HSP90B1: variants seen among roughly 807,000 people sequenced by gnomAD.
The protein encoded by HSP90B1 is heat shock protein 90 beta family member 1, also known as endoplasmin.
HSP90B1 carries 27 observed loss-of-function variants against 100.4 expected under a neutral mutation model. That is an observed-to-expected ratio of 0.27 (90% CI 0.20 to 0.37). The LOEUF (loss-of-function observed/expected upper bound fraction) is 0.37, where lower values mean the gene tolerates loss of function less well. Among genes scored for constraint, HSP90B1 ranks in the 10% least tolerant of loss-of-function variants. The pLI is 1.00. For missense variants in HSP90B1, 678 were observed against 960.5 expected, an observed-to-expected ratio of 0.71 and a Z score of 3.89; for synonymous variants, 304 against 330.8, an observed-to-expected ratio of 0.92 and a Z score of 0.88.
In HSP90B1 at chr12:103,947,708, A is replaced by G; in HGVS notation, c.*46A>G. 6.8e-7 allele frequency: 1 copy of G among 1,480,416 alleles called. No individual in the cohort carries two copies. The highest frequency in any genetic ancestry group is 9.4e-7 in the Non-Finnish European group (1 of 1,058,636). The allele number at this position is 1,480,416 out of a possible 1,614,324, so 91.7% of individuals were successfully genotyped here. On this transcript the variant is annotated 3_prime_UTR_variant, in exon 18 of 18. Transcript: ENST00000299767. ...ATCCTGTGTGGAGAGGGAATGTGAAATTTACATCATTTCTTTTTGGGAGAG... is the reference window on the plus strand; with the variant it reads ...ATCCTGTGTGGAGAGGGAATGTGAAGTTTACATCATTTCTTTTTGGGAGAG...
intron 1 of HSP90B1, among the ~76,000 whole-genome samples, chr12:103,931,220 G>GT: frequency 6.6e-6 from 1 of 152,322 alleles, no homozygotes; most frequent in Admixed American, 6.5e-5. Context: ...CGCGCAACAC[G>GT]TGTGGGTGTA....
At chr12:103,934,838 A>G (rs931527351) in intron 5 of HSP90B1, among the ~76,000 whole-genome samples, 45 of 152,212 alleles carry the variant, frequency 3.0e-4, no homozygotes, top group African/African-American at 9.2e-4. Context: ...AGTAGCTGGG[A>G]TTACAGGCAT....
rs371416069 is a variant in HSP90B1, at chr12:103,941,919, C to T, written c.1374+22C>T. 1.6e-5 allele frequency: 26 copies of T among 1,596,760 alleles called. No homozygotes were observed. The East Asian group carries it at 5.1e-4, about 32-fold the overall frequency. ...TAAGGTAAGTGTCTCTGGGAAGAAACTCTCCACTTTGCTGTTTGATTGGGG... is the reference window on the plus strand; with the variant it reads ...TAAGGTAAGTGTCTCTGGGAAGAAATTCTCCACTTTGCTGTTTGATTGGGG... On this transcript the variant is annotated intron_variant, in intron 11 of 17. Coordinates refer to ENST00000299767, the MANE Select transcript of HSP90B1 (RefSeq NM_003299.3).
In HSP90B1 at chr12:103,932,512, C is replaced by G. The variant is rs1869798726; in HGVS notation, c.294+94C>G. 4 of 1,099,632 alleles carry G rather than the reference C, an allele frequency of 3.6e-6. No homozygotes were observed. The Admixed American group carries it at 9.4e-5, about 26-fold the overall frequency. 68.1% of individuals were successfully genotyped at this position (1,099,632 alleles called of 1,614,324 possible). On this transcript the variant is annotated intron_variant, in intron 3 of 17. Coordinates refer to ENST00000299767, the MANE Select transcript of HSP90B1 (RefSeq NM_003299.3). ...ATTTACTGCAAAAGTAATGTAGTAT[C>G]CAAGTAAGTAGGTAACAACCTTTAA...
chr12:103,941,273 C>T, intron 8 of HSP90B1, 137 bp from the exon 9 acceptor site: 1 of 734,708 alleles, frequency 1.4e-6, no homozygotes, highest in Admixed American at 2.6e-5. Flanking sequence ...CTTTCTCTTC[C>T]CCACCTCCCG....
At chr12:103,947,183 C>G (rs1211447005) in intron 16 of HSP90B1, 128 bp from the exon 17 acceptor site, 5 of 1,297,466 alleles carry the variant, frequency 3.9e-6, no homozygotes, top group Non-Finnish European at 5.3e-6. Context: ...GCTGTTCATT[C>G]TAGTTAAGAG....
Position 103,932,257 on chromosome 12 carries a change from T to C in HSP90B1, c.153-20T>C, listed in dbSNP as rs1444703414. On this transcript the variant is annotated intron_variant, in intron 2 of 17. Coordinates refer to ENST00000299767, the MANE Select transcript of HSP90B1 (RefSeq NM_003299.3). ...GGAACTATGCCATGCAATATTTGCT[T>C]ACCTAACTGATTTCCTTAGAGAGGA... 6.3e-7 allele frequency: 1 copy of C among 1,594,414 alleles called. No homozygotes were observed. Among genetic ancestry groups the C allele is most frequent in the Non-Finnish European group, 8.5e-7 (1 of 1,170,804 alleles).
intron 9 of HSP90B1, 23 bp from the exon 10 acceptor site, chr12:103,941,606 T>A: frequency 6.2e-7 from 1 of 1,613,834 alleles, no homozygotes; most frequent in Non-Finnish European, 8.5e-7. Flanking sequence ...TTCCAGAAAG[T>A]GACTTTTTTT....
chr12:103,939,637 T>C lies in HSP90B1; in HGVS notation c.1092+12T>C. On this transcript the variant is annotated intron_variant, in intron 8 of 17. Transcript: ENST00000299767. ...AATCATTTTCAAAGGTAAATATTTA[T>C]AATTCCCTAGTTTCTGGTTATTAAT... The C allele has an allele frequency of 8.1e-7, 1 of 1,233,472 alleles. No homozygotes were observed. Among genetic ancestry groups the C allele is most frequent in the Non-Finnish European group, 1.1e-6 (1 of 872,944 alleles). 76.4% of individuals were successfully genotyped at this position (1,233,472 alleles called of 1,614,324 possible).
intron 1 of HSP90B1, 74 bp from the exon 2 acceptor site, chr12:103,931,447 C>G (rs1869757067): frequency 2.5e-6 from 3 of 1,189,190 alleles, no homozygotes; most frequent in Non-Finnish European, 3.7e-6. Context: ...TTTTGCAACC[C>G]CTACCCTTCC....
At chr12:103,935,622 A>C (rs1869890945) in intron 5 of HSP90B1, among the ~76,000 whole-genome samples, 1 of 152,150 alleles carries the variant, frequency 6.6e-6, no homozygotes, top group Admixed American at 6.5e-5. Context: ...GTACTTTTTT[A>C]ACTTGTGTTC....
At chr12:103,934,928 C>T (rs557658449) in intron 5 of HSP90B1, among the ~76,000 whole-genome samples, 10 of 152,152 alleles carry the variant, frequency 6.6e-5, no homozygotes, top group South Asian at 2.1e-4. Flanking sequence ...CTCGAACTCC[C>T]GACCTCACGT....
chr12:103,937,053 AT>A (rs1176321886), intron 5 of HSP90B1, among the ~76,000 whole-genome samples: 1 of 152,202 alleles, frequency 6.6e-6, no homozygotes, highest in Non-Finnish European at 1.5e-5. Flanking sequence ...CACACCTGTA[AT>A]CCCCGCACTG....
At chr12:103,946,552 T>C in intron 14 of HSP90B1, 66 bp from the exon 15 acceptor site, 1 of 1,144,460 alleles carries the variant, frequency 8.7e-7, no homozygotes, top group Non-Finnish European at 1.3e-6. Context: ...TATGAAAGAA[T>C]AAGGGAAACG....
At chr12:103,931,921 A>G in intron 2 of HSP90B1, 1 of 447,398 alleles carries the variant, frequency 2.2e-6, no homozygotes, top group South Asian at 2.1e-5. Context: ...AGTAAGTTTA[A>G]AAATGGGATT....
chr12:103,931,076 C>T (rs1458660869), intron 1 of HSP90B1, among the ~76,000 whole-genome samples: 2 of 152,204 alleles, frequency 1.3e-5, no homozygotes, highest in East Asian at 3.8e-4. Flanking sequence ...TAACATTTCT[C>T]CCCCTTCTCA....
chr12:103,941,686 C>T lies in HSP90B1; in HGVS notation c.1288C>T (p.Leu430Phe). Reference protein sequence around the residue: ...DDFHDMMPKYLNFVKGVVDSD... With the variant: ...DDFHDMMPKYFNFVKGVVDSD... ...CTTCCATGATATGATGCCTAAATAC[C>T]TCAATTTTGTCAAGGGTGTGGTAAG... The change falls in exon 10 of 18, where the codon CTC becomes TTC. Residue 430 changes from leucine (L) to phenylalanine (F), a missense_variant. Transcript: ENST00000299767. 6.2e-7 allele frequency: 1 copy of T among 1,613,930 alleles called. No homozygotes were observed. Among genetic ancestry groups the T allele is most frequent in the Non-Finnish European group, 8.5e-7 (1 of 1,179,956 alleles).
Position 103,930,425 on chromosome 12 carries a change from C to T in HSP90B1, c.-91C>T. The T allele has an allele frequency of 3.3e-6, 4 of 1,204,064 alleles. No individual in the cohort carries two copies. The highest frequency in any genetic ancestry group is 3.4e-6 in the Non-Finnish European group (3 of 871,450). The allele number at this position is 1,204,064 out of a possible 1,614,324, so 74.6% of individuals were successfully genotyped here. A position where few individuals can be genotyped will look rare whatever the true frequency, so the allele number is the denominator to read the frequency against. ...CTTGCGGTGTAGTGGGCGGACCGCG[C>T]GGCTGGAGGTGTGAGGATCCGAACC... On this transcript the variant is annotated 5_prime_UTR_variant, in exon 1 of 18. Transcript: ENST00000299767. The surrounding 1 kb of genome is among the most constrained non-coding windows in gnomAD (Gnocchi z 4.4).
intron 8 of HSP90B1, 33 bp downstream of exon 8, chr12:103,939,658 T>C: frequency 1.0e-6 from 1 of 1,004,502 alleles, no homozygotes; most frequent in Non-Finnish European, 1.5e-6. Flanking sequence ...TTTCTGGTTA[T>C]TAATGAATAG....
Sources: gnomAD v4.1 joint callset for allele counts (sites outside exome capture counted in the v4.1 genomes callset) on GRCh38, gnomAD v4.1.1 for gene constraint, Gnocchi (gnomAD v3.1) non-coding constraint, MANE v1.5 for transcripts, NCBI Gene and HGNC (gene_info 2026-07-23, HGNC 2026-07-21) for gene names.